Variants in FMO5 observed in about 807,000 individuals in gnomAD.
FMO5 encodes the protein flavin containing dimethylaniline monoxygenase 5.
FMO5 carries 51 observed loss-of-function variants against 43.6 expected under a neutral mutation model. That is an observed-to-expected ratio of 1.17 (90% CI 0.93 to 1.48). The LOEUF is 1.48. Among genes scored for constraint, FMO5 ranks in the 40% most tolerant of loss-of-function variants. FMO5 has a pLI of 0.00. For synonymous variants in FMO5, 187 were observed against 216.5 expected (o/e 0.86, Z 1.20); for missense variants, 644 against 643.0 (o/e 1.00, Z -0.02).
Position 147,187,791 on chromosome 1 carries a change from T to TA in FMO5, c.1257-547dup, listed in dbSNP as rs140483406. 4.8e-3 allele frequency among the ~76,000 whole-genome samples: 728 copies of TA among 152,314 alleles called. 9 individuals are homozygous for TA. The highest frequency in any genetic ancestry group is 0.016 in the African/African-American group (683 of 41,584). On this transcript the variant is annotated intron_variant, in intron 8 of 8. Coordinates refer to ENST00000254090, the MANE Select transcript of FMO5 (RefSeq NM_001461.4). ...TCCAAATGGAGACAAATGAAATTAT[T>TA]ACACCAAGTGCAGATTTAAAGATTT...
upstream of FMO5, among the ~76,000 whole-genome samples, chr1:147,226,633 G>T (rs1439497050): frequency 2.6e-5 from 4 of 152,116 alleles, no homozygotes; most frequent in Non-Finnish European, 5.9e-5. Flanking sequence ...GGTTGTAAGA[G>T]GCATGGATTG....
At chr1:147,205,565 C>G (rs1659842005) in intron 6 of FMO5, among the ~76,000 whole-genome samples, 1 of 151,966 alleles carries the variant, frequency 6.6e-6, no homozygotes, top group African/African-American at 2.4e-5. Context: ...AGAATTATTT[C>G]TTATATAGAC....
intron 6 of FMO5, among the ~76,000 whole-genome samples, chr1:147,207,350 A>G (rs1216529582): frequency 2.0e-5 from 3 of 152,198 alleles, no homozygotes; most frequent in African/African-American, 7.2e-5. Context: ...TGCTCATTGT[A>G]CTTATTATTT....
intron 7 of FMO5, among the ~76,000 whole-genome samples, chr1:147,196,098 T>C (rs1243900559): frequency 6.6e-6 from 1 of 152,174 alleles, no homozygotes; most frequent in African/African-American, 2.4e-5. Context: ...ATTATCAGGC[T>C]AAACAGTACA....
In FMO5 at chr1:147,203,800, C is replaced by T. The variant is rs587593866; in HGVS notation, c.831-2296G>A. 5.9e-5 allele frequency: 92 copies of T among 1,548,642 alleles called. 2 individuals are homozygous for T. In the East Asian group the frequency reaches 1.8e-3, roughly 31 times the overall value. On this transcript the variant is annotated intron_variant, in intron 6 of 8. Transcript: ENST00000254090. ...CATCCATCAGATTGTCTGTAGAGCC[C>T]CGAAGTACTATGGTAGAAATGATGC...
At chr1:147,217,750 C>G (rs1247327978) in intron 2 of FMO5, among the ~76,000 whole-genome samples, 1 of 152,192 alleles carries the variant, frequency 6.6e-6, no homozygotes, top group Non-Finnish European at 1.5e-5. Flanking sequence ...TGTGGCTGGA[C>G]TAAATCTCTG....
rs1486079172 is a variant in FMO5 at position 147,215,751 on chromosome 1, T to C, written c.324+3A>G. ...ACACAAAGATACCCACACAATTTTC[T>C]ACCTTAAATCGAATATACTTTAGAA... On this transcript the variant is annotated splice_donor_region_variant and intron_variant, in intron 3 of 8. Coordinates refer to ENST00000254090, the MANE Select transcript of FMO5 (RefSeq NM_001461.4). 1 of 1,586,264 alleles carries C rather than the reference T, an allele frequency of 6.3e-7. No individual in the cohort carries two copies. Among genetic ancestry groups the C allele is most frequent in the Non-Finnish European group, 8.6e-7 (1 of 1,167,344 alleles).
intron 2 of FMO5, chr1:147,223,689 A>G (rs1375400927): frequency 1.1e-5 from 2 of 178,478 alleles, no homozygotes; most frequent in East Asian, 1.6e-4. Context: ...CAGGACATAC[A>G]GCCCCAAAGA....
At chr1:147,211,521 A>T (rs951826855) in intron 5 of FMO5, 1 of 152,244 alleles carries the variant, frequency 6.6e-6, no homozygotes, top group Non-Finnish European at 1.5e-5. Flanking sequence ...GTCATTTAAC[A>T]GAATTGTAGC....
chr1:147,213,408 G>A lies in FMO5; in HGVS notation c.387C>T (p.Val129=). 1 of 1,613,570 alleles carries A rather than the reference G, an allele frequency of 6.2e-7. No homozygotes were observed. The highest frequency in any genetic ancestry group is 1.1e-5 in the South Asian group (1 of 90,954). The part of the protein sequence containing the change: ...DFATSGQWEV[V]TESEGKKEMN... ...TCTCCTTTTTCCCTTCAGATTCAGT[G>A]ACCACTTCCCATTGGCCTGAAGTGG... is the stretch of plus-strand genomic sequence containing the variant. Residue 129 remains valine (V), a synonymous_variant, in exon 4 of 9, where the codon GTC becomes GTT. Coordinates refer to ENST00000254090, the MANE Select transcript of FMO5 (RefSeq NM_001461.4).
chr1:147,219,840 C>CTT (rs71083821), intron 2 of FMO5, among the ~76,000 whole-genome samples: 3,423 of 132,826 alleles, frequency 0.026, 195 homozygotes, highest in African/African-American at 0.09. Context: ...ATGTTAATTG[C>CTT]TTTTTTTTTT....
At chr1:147,188,901 C>T (rs1264680538) in intron 8 of FMO5, among the ~76,000 whole-genome samples, 1 of 151,880 alleles carries the variant, frequency 6.6e-6, no homozygotes, top group Non-Finnish European at 1.5e-5. Flanking sequence ...GAAAGCACTG[C>T]AAGAAGGAAG....
Position 147,199,130 on chromosome 1 carries a change from TC to T in FMO5, c.1183+2021del, listed in dbSNP as rs587668526. The stretch of plus-strand genomic sequence containing the variant: ...TGTTCTAGAAAAGAGTAGAATATTT[TC>T]TTGACAAGAGAACAATAATTCCAGA... On this transcript the variant is annotated intron_variant, in intron 7 of 8. Transcript: ENST00000254090. 1.8e-3 allele frequency among the ~76,000 whole-genome samples: 281 copies of T among 152,252 alleles called. 1 individual carries two copies. The highest frequency in any genetic ancestry group is 6.2e-3 in the African/African-American group (258 of 41,548).
At chr1:147,200,312 A>C (rs185114459) in intron 7 of FMO5, among the ~76,000 whole-genome samples, 64 of 152,266 alleles carry the variant, frequency 4.2e-4, no homozygotes, top group Non-Finnish European at 8.8e-4. Context: ...GGAAATTCTC[A>C]TATCTCTCCT....
chr1:147,206,454 A>G (rs1660063567), intron 6 of FMO5, among the ~76,000 whole-genome samples: 2 of 152,240 alleles, frequency 1.3e-5, no homozygotes, highest in Non-Finnish European at 2.9e-5. Flanking sequence ...CTATAAAGAC[A>G]CATGCACACG....
At chr1:147,211,774 G>A (rs1244238088) in intron 5 of FMO5, among the ~76,000 whole-genome samples, 5 of 152,170 alleles carry the variant, frequency 3.3e-5, no homozygotes, top group Non-Finnish European at 7.3e-5. Flanking sequence ...AAAAAGCCAA[G>A]GAGATATAAT....
At position 147,215,761 on chromosome 1, in the gene FMO5, C is replaced by A. The variant is rs782514474; in HGVS notation, c.317G>T (p.Arg106Leu). The stretch of plus-strand genomic sequence containing the variant: ...ACCCACACAATTTTCTACCTTAAAT[C>A]GAATATACTTTAGAAGGTCAAATTC... ...AKEFDLLKYI[R>L]FKTTVCSVKK... The change falls in exon 3 of 9, where the codon CGA (arginine) becomes CTA (leucine). Residue 106 changes from arginine (R) to leucine (L), a missense_variant. Coordinates refer to ENST00000254090, the MANE Select transcript of FMO5 (RefSeq NM_001461.4). 1.9e-6 allele frequency: 3 copies of A among 1,596,644 alleles called. No homozygotes were observed. Among genetic ancestry groups the A allele is most frequent in the South Asian group, 1.1e-5 (1 of 87,250 alleles).
Position 147,213,440 on chromosome 1 carries a change from C to A in FMO5, c.355G>T (p.Asp119Tyr). The A allele has an allele frequency of 6.2e-7, 1 of 1,611,628 alleles. No homozygotes were observed. The highest frequency in any genetic ancestry group is 2.2e-5 in the East Asian group (1 of 44,830). The change falls in exon 4 of 9, where the codon GAT becomes TAT. Residue 119 changes from aspartate to tyrosine, a missense_variant. By Grantham distance (160) the Asp-to-Tyr change is radical. Coordinates refer to ENST00000254090, the MANE Select transcript of FMO5 (RefSeq NM_001461.4). ...TCCCATTGGCCTGAAGTGGCAAAATCAGGCTGCTTCTTCACACTGCACACA... is the reference window on the plus strand; with the variant it reads ...TCCCATTGGCCTGAAGTGGCAAAATAAGGCTGCTTCTTCACACTGCACACA... ...TTVCSVKKQP[D>Y]FATSGQWEVV...
chr1:147,198,872 A>G (rs1197472107), intron 7 of FMO5, among the ~76,000 whole-genome samples: 5,823 of 144,334 alleles, frequency 0.04, 141 homozygotes, highest in African/African-American at 0.055. Context: ...AAAAAAAAAA[A>G]AAAGAAAGAA....
Sources: gnomAD v4.1 joint callset for allele counts (sites outside exome capture counted in the v4.1 genomes callset) on GRCh38, gnomAD v4.1.1 for gene constraint, MANE v1.5 for transcripts, NCBI Gene and HGNC (gene_info 2026-07-23, HGNC 2026-07-21) for gene names.